LOC400499: variants seen among roughly 807,000 people sequenced by gnomAD.
the LOC400499 span, chr16:11,384,922 G>A: frequency 8.1e-7 from 1 of 1,232,202 alleles, no homozygotes; most frequent in Non-Finnish European, 1.0e-6. Context: ...GGCTGCAGAG[G>A]CCGGTGGGCA....
chr16:11,475,821 G>A, the LOC400499 span: 1 of 391,508 alleles, frequency 2.6e-6, no homozygotes, highest in South Asian at 1.4e-4. Flanking sequence ...ATTCTACCCT[G>A]AGCGGGGCCA....
chr16:11,402,615 C>T, the LOC400499 span, among the ~76,000 whole-genome samples: 2 of 152,198 alleles, frequency 1.3e-5, no homozygotes, highest in Admixed American at 1.3e-4. Context: ...GGAGAGCCTG[C>T]TTTCAGCTCA....
the LOC400499 span, among the ~76,000 whole-genome samples, chr16:11,413,884 G>A: frequency 6.6e-6 from 1 of 152,184 alleles, no homozygotes; most frequent in African/African-American, 2.4e-5. Flanking sequence ...GAAGGAATTT[G>A]CCCAAGGCCA....
chr16:11,468,723 G>A, the LOC400499 span, among the ~76,000 whole-genome samples: 2 of 152,134 alleles, frequency 1.3e-5, no homozygotes, highest in Non-Finnish European at 2.9e-5. Context: ...CGCCTCCTGG[G>A]TTCAAGTGAT....
chr16:11,380,266 G>A, the LOC400499 span, among the ~76,000 whole-genome samples: 1 of 150,434 alleles, frequency 6.6e-6, no homozygotes, highest in Non-Finnish European at 1.5e-5. Flanking sequence ...TGACTTGAAG[G>A]ACTCCCTTTA....
At chr16:11,401,806 G>C in the LOC400499 span, among the ~76,000 whole-genome samples, 1 of 152,364 alleles carries the variant, frequency 6.6e-6, no homozygotes, top group Non-Finnish European at 1.5e-5. Context: ...CACGGGGTAA[G>C]CATTCAGGGC....
the LOC400499 span, among the ~76,000 whole-genome samples, chr16:11,438,152 G>C: frequency 6.6e-6 from 1 of 152,182 alleles, no homozygotes; most frequent in African/African-American, 2.4e-5. Flanking sequence ...AATCCACAAA[G>C]AGGGTTTAGA....
At chr16:11,406,837 G>A in the LOC400499 span, among the ~76,000 whole-genome samples, 2 of 152,144 alleles carry the variant, frequency 1.3e-5, no homozygotes, top group Admixed American at 6.5e-5. Flanking sequence ...AAGCTCCTTG[G>A]TCACTCTCAG....
At chr16:11,491,315 GA>G in the LOC400499 span, among the ~76,000 whole-genome samples, 2 of 152,176 alleles carry the variant, frequency 1.3e-5, no homozygotes, top group African/African-American at 4.8e-5. Flanking sequence ...TCTCACTCCA[GA>G]AGGGATCTAG....
chr16:11,478,881 C>G, the LOC400499 span, among the ~76,000 whole-genome samples: 2 of 152,130 alleles, frequency 1.3e-5, no homozygotes, highest in African/African-American at 4.8e-5. Flanking sequence ...GAATGGGGCT[C>G]AGGAGATTCT....
chr16:11,502,850 G>C, the LOC400499 span, among the ~76,000 whole-genome samples: 9 of 149,344 alleles, frequency 6.0e-5, no homozygotes, highest in African/African-American at 2.2e-4. Context: ...TCCTGACCTT[G>C]TGATCTGCCC....
the LOC400499 span, chr16:11,475,568 C>A: frequency 2.5e-6 from 1 of 398,474 alleles, no homozygotes; most frequent in Non-Finnish European, 4.4e-6. Flanking sequence ...GGCATTTTTC[C>A]CTTCAACCCT....
chr16:11,521,215 G>T, the LOC400499 span, among the ~76,000 whole-genome samples: 2 of 152,292 alleles, frequency 1.3e-5, no homozygotes, highest in African/African-American at 4.8e-5. Flanking sequence ...GCTAGCAAGT[G>T]CTCCAGCCAG....
the LOC400499 span, chr16:11,515,879 C>CAGCCCAGCCCAGCCT: frequency 2.5e-5 from 1 of 40,188 alleles, no homozygotes; most frequent in Non-Finnish European, 7.2e-5. Flanking sequence ...CAGCCCAGCC[C>CAGCCCAGCCCAGCCT]AGCCCAGCCC....
At chr16:11,511,414 G>C in the LOC400499 span, among the ~76,000 whole-genome samples, 2 of 152,138 alleles carry the variant, frequency 1.3e-5, no homozygotes, top group Non-Finnish European at 2.9e-5. Context: ...ACACAACATA[G>C]AGTCAGAATT....
chr16:11,527,010 CA>C, the LOC400499 span, among the ~76,000 whole-genome samples: 1 of 152,226 alleles, frequency 6.6e-6, no homozygotes, highest in Non-Finnish European at 1.5e-5. Context: ...AAAGGCAGGT[CA>C]ACAGGCATCT....
chr16:11,450,565 G>C, the LOC400499 span: 6 of 1,520,180 alleles, frequency 3.9e-6, no homozygotes, highest in Admixed American at 9.8e-5. Flanking sequence ...AAAGATCTCA[G>C]TGGCAGGGGA....
chr16:11,514,995 G>A, the LOC400499 span, among the ~76,000 whole-genome samples: 1 of 152,160 alleles, frequency 6.6e-6, no homozygotes, highest in Non-Finnish European at 1.5e-5. Flanking sequence ...GACAGAGGCG[G>A]GGAGGAGGGC....
chr16:11,487,084 T>A, the LOC400499 span, among the ~76,000 whole-genome samples: 2 of 151,814 alleles, frequency 1.3e-5, no homozygotes, highest in Admixed American at 6.6e-5. Context: ...TGGAGGCATG[T>A]AGGTGAATTG....
Sources: allele counts gnomAD v4.1 joint callset (sites outside exome capture counted in the v4.1 genomes callset), GRCh38; gene constraint gnomAD v4.1.1; transcripts MANE v1.5.